The following MAPK9 variants were observed in gnomAD, a reference collection of about 807,000 sequenced individuals.
The protein encoded by MAPK9 is Jun kinase.
In MAPK9, 30 loss-of-function variants were observed where a neutral mutation model predicts 57.1. The ratio of observed to expected loss-of-function variants is 0.53; its 90% CI spans 0.39 to 0.71. The LOEUF (loss-of-function observed/expected upper bound fraction) is 0.71. Among genes scored for constraint, MAPK9 ranks in the 30% least tolerant of loss-of-function variants. The probability of loss-of-function intolerance (pLI) is 0.00; values close to 1 mark genes in which losing one functional copy is unlikely to be tolerated. For synonymous variants in MAPK9, 155 were observed against 177.0 expected, an observed-to-expected ratio of 0.88 and a Z score of 0.99; for missense variants, 362 against 521.0, an observed-to-expected ratio of 0.69 and a Z score of 2.97.
At chr5:180,255,117 G>C (rs181899196) in intron 5 of MAPK9, among the ~76,000 whole-genome samples, 3 of 152,062 alleles carry the variant, frequency 2.0e-5, no homozygotes, top group Non-Finnish European at 4.4e-5. Flanking sequence ...CATTCTGAGC[G>C]CAACTGATCT....
chr5:180,267,067 C>T (rs576749276), intron 3 of MAPK9, among the ~76,000 whole-genome samples: 32 of 152,174 alleles, frequency 2.1e-4, no homozygotes, highest in East Asian at 1.9e-3. Flanking sequence ...CAACATTGCA[C>T]GAGGAGAAAA....
intron 2 of MAPK9, among the ~76,000 whole-genome samples, chr5:180,274,601 G>C (rs1296325558): frequency 1.3e-5 from 2 of 152,172 alleles, no homozygotes; most frequent in African/African-American, 4.8e-5. Flanking sequence ...TCTGCCAACA[G>C]GCTGAAGGAG....
At chr5:180,258,332 G>C (rs983115492) in intron 5 of MAPK9, 1 of 152,214 alleles carries the variant, frequency 6.6e-6, no homozygotes, top group Non-Finnish European at 1.5e-5. Flanking sequence ...TGTGGGAAAC[G>C]ATTCAGTTTT....
chr5:180,261,407 A>T (rs1203732915), intron 5 of MAPK9, among the ~76,000 whole-genome samples: 11 of 152,244 alleles, frequency 7.2e-5, no homozygotes, highest in Non-Finnish European at 8.8e-5. Flanking sequence ...CTAAGTTTTA[A>T]GTTACTTTAA....
rs765739435 is a variant in MAPK9, at chr5:180,249,040, G to T, written c.549C>A (p.Thr183=). The change falls in exon 6 of 12, where the codon ACC becomes ACA. Residue 183 remains threonine, a synonymous_variant. Coordinates refer to ENST00000452135, the MANE Select transcript of MAPK9 (RefSeq NM_002752.5). ...GGTAGTACCGTGTCACCACGTAAGG[G>T]GTCATCATGAAGTTAGTGCACGCTG... The part of the protein sequence containing the change: ...ARTACTNFMM[T]PYVVTRYYRA... 1 of 1,613,948 alleles carries T rather than the reference G, an allele frequency of 6.2e-7. No homozygotes were observed. Among genetic ancestry groups the T allele is most frequent in the Non-Finnish European group, 8.5e-7 (1 of 1,179,926 alleles).
At chr5:180,264,199 G>C (rs1199287078) in intron 4 of MAPK9, among the ~76,000 whole-genome samples, 1 of 152,156 alleles carries the variant, frequency 6.6e-6, no homozygotes, top group African/African-American at 2.4e-5. Context: ...CATTTATCAT[G>C]TGGCTTGTCT....
At chr5:180,267,575 A>G (rs1039906641) in intron 3 of MAPK9, among the ~76,000 whole-genome samples, 2 of 151,452 alleles carry the variant, frequency 1.3e-5, no homozygotes, top group Non-Finnish European at 2.9e-5. Flanking sequence ...AAAAAAAAAA[A>G]AAAAAAGAAA....
intron 3 of MAPK9, among the ~76,000 whole-genome samples, chr5:180,268,944 CCTGA>C (rs1227379034): frequency 7.9e-5 from 12 of 151,304 alleles, no homozygotes; most frequent in African/African-American, 2.9e-4. Flanking sequence ...TCAAGACCAT[CCTGA>C]CTAACATGGT....
intron 5 of MAPK9, among the ~76,000 whole-genome samples, chr5:180,252,507 C>T (rs1225072779): frequency 6.6e-6 from 1 of 152,160 alleles, no homozygotes; most frequent in Non-Finnish European, 1.5e-5. Flanking sequence ...TAGTCTCCTC[C>T]ACCCACCCCG....
At chr5:180,282,225 A>G (rs973369153) in intron 1 of MAPK9, among the ~76,000 whole-genome samples, 1 of 152,232 alleles carries the variant, frequency 6.6e-6, no homozygotes, top group Non-Finnish European at 1.5e-5. Flanking sequence ...TATCTAAAGG[A>G]AGATCCTTTC....
chr5:180,256,947 C>T (rs1414811330), intron 5 of MAPK9, among the ~76,000 whole-genome samples: 7 of 152,056 alleles, frequency 4.6e-5, no homozygotes, highest in Non-Finnish European at 8.8e-5. Context: ...TCAAGAGTAC[C>T]TTAAATTATA....
chr5:180,245,676 A>T (rs1758029457), intron 7 of MAPK9, among the ~76,000 whole-genome samples: 1 of 152,120 alleles, frequency 6.6e-6, no homozygotes, highest in Non-Finnish European at 1.5e-5. Context: ...TATTTTACAG[A>T]AGGGGAAACC....
chr5:180,268,617 G>A (rs544231697), intron 3 of MAPK9, among the ~76,000 whole-genome samples: 1 of 152,182 alleles, frequency 6.6e-6, no homozygotes, highest in East Asian at 1.9e-4. Flanking sequence ...CATGAGGTCA[G>A]GAGATCGAGA....
At chr5:180,269,091 A>ATC in intron 3 of MAPK9, among the ~76,000 whole-genome samples, 189 bp downstream of exon 3, 1 of 152,310 alleles carries the variant, frequency 6.6e-6, no homozygotes, top group East Asian at 1.9e-4. Flanking sequence ...GAGAGCCGAG[A>ATC]CTGCGCCACT....
intron 5 of MAPK9, among the ~76,000 whole-genome samples, chr5:180,255,117 G>A (rs181899196): frequency 3.9e-5 from 6 of 152,180 alleles, no homozygotes; most frequent in East Asian, 3.9e-4. Context: ...CATTCTGAGC[G>A]CAACTGATCT....
At chr5:180,262,570 T>TA (rs36105705) in intron 4 of MAPK9, among the ~76,000 whole-genome samples, 66,749 of 146,768 alleles carry the variant, frequency 0.45, 15,342 homozygotes, top group African/African-American at 0.54. Context: ...AAAATTAAAT[T>TA]AAAAAAAAAA....
At chr5:180,273,475 C>T (rs1204887492) in intron 2 of MAPK9, among the ~76,000 whole-genome samples, 3 of 152,086 alleles carry the variant, frequency 2.0e-5, no homozygotes, top group African/African-American at 4.8e-5. Flanking sequence ...GATCCTCCCA[C>T]CTTGGCCTCC....
intron 3 of MAPK9, among the ~76,000 whole-genome samples, chr5:180,267,093 A>G (rs568622536): frequency 6.6e-6 from 1 of 152,216 alleles, no homozygotes; most frequent in South Asian, 2.1e-4. Flanking sequence ...ATGAAGAATA[A>G]CACGATTAAT....
chr5:180,285,655 GC>G (rs1762671056), intron 1 of MAPK9, among the ~76,000 whole-genome samples: 1 of 152,134 alleles, frequency 6.6e-6, no homozygotes. Flanking sequence ...GGGCAAGATG[GC>G]TCACACTTGT....
Sources: allele counts gnomAD v4.1 joint callset (sites outside exome capture counted in the v4.1 genomes callset), GRCh38; gene constraint gnomAD v4.1.1; transcripts MANE v1.5; gene names NCBI Gene and HGNC (gene_info 2026-07-23, HGNC 2026-07-21).